Variants in SERBP1 observed in about 807,000 individuals in gnomAD.
SERBP1 encodes the protein SERPINE1 mRNA-binding protein 1.
Under a neutral mutation model 50.2 loss-of-function variants are expected in SERBP1, and 6 were observed. The observed-to-expected ratio is 0.12, with a 90% CI of 0.07 to 0.24. The LOEUF is 0.24. Ranked by LOEUF, SERBP1 falls within the 10% of genes least tolerant of loss-of-function variation. The pLI is 1.00. For missense variants in SERBP1, 346 were observed against 524.9 expected, an observed-to-expected ratio of 0.66 and a Z score of 3.33; for synonymous variants, 168 against 182.8, an observed-to-expected ratio of 0.92 and a Z score of 0.65.
rs200035787 is a variant in SERBP1, at chr1:67,409,420, C to CA, written c.*3786_*3787insT. 0.23 allele frequency: 24,227 copies of CA among 103,912 alleles called. 2,620 individuals are homozygous for CA. The highest frequency in any genetic ancestry group is 0.27 in the African/African-American group (5,771 of 21,038). 6.4% of individuals were successfully genotyped at this position (103,912 alleles called of 1,614,324 possible). On this transcript the variant is annotated 3_prime_UTR_variant, in exon 8 of 8. Transcript: ENST00000361219. ...ACACACACACACACACACACACACA[C>CA]CCCCACACACACCAGGTCACAGGCT...
chr1:67,414,420 T>C (rs1268077483), intron 7 of SERBP1, among the ~76,000 whole-genome samples: 1 of 152,088 alleles, frequency 6.6e-6, no homozygotes, highest in African/African-American at 2.4e-5. Context: ...ACACTGGCAA[T>C]GGTAAGTTAC....
intron 1 of SERBP1, chr1:67,429,505 G>C (rs1412293718): frequency 1.3e-5 from 2 of 153,298 alleles, no homozygotes; most frequent in African/African-American, 4.8e-5. Context: ...ACTCCGCGCC[G>C]TCGTGGGACA....
At chr1:67,422,371 C>A (rs1314104185) in intron 5 of SERBP1, among the ~76,000 whole-genome samples, 1 of 151,854 alleles carries the variant, frequency 6.6e-6, no homozygotes, top group South Asian at 2.1e-4. Flanking sequence ...ATTAGCCGGG[C>A]GTGGTGGCAC....
In SERBP1 at chr1:67,410,367, G is replaced by A. The variant is rs1666786850; in HGVS notation, c.*2840C>T. 6.6e-6 allele frequency: 1 copy of A among 152,058 alleles called. No homozygotes were observed. Among genetic ancestry groups the A allele is most frequent in the African/African-American group, 2.4e-5 (1 of 41,398 alleles). The allele number at this position is 152,058 out of a possible 1,614,324, so 9.4% of individuals were successfully genotyped here. A position where few individuals can be genotyped will look rare whatever the true frequency, so the allele number is the denominator to read the frequency against. ...ACTAGAAAAATAACAAAATTAGAAT[G>A]AATACTTAATATCCTCCTTTTAAAT... On this transcript the variant is annotated 3_prime_UTR_variant, in exon 8 of 8. Transcript: ENST00000361219.
intron 5 of SERBP1, among the ~76,000 whole-genome samples, chr1:67,421,260 T>C (rs1667188379): frequency 6.6e-6 from 1 of 152,200 alleles, no homozygotes; most frequent in Non-Finnish European, 1.5e-5. Flanking sequence ...AAGTCCTGCT[T>C]ACCCATATGT....
rs755894421 is a variant in SERBP1, at chr1:67,426,121, A to T, written c.464+14T>A. On this transcript the variant is annotated intron_variant, in intron 2 of 7. Coordinates refer to ENST00000361219, the MANE Select transcript of SERBP1 (RefSeq NM_001018069.2). ...TAGACCAAGACCCTGGCTCAAAAAC[A>T]AGAAACAACTTACCTATCAACTGAA... The T allele has an allele frequency of 3.6e-5, 58 of 1,598,684 alleles. No individual in the cohort carries two copies. In the South Asian group the frequency reaches 6.2e-4, roughly 17 times the overall value.
chr1:67,428,753 C>T (rs895007248), intron 1 of SERBP1, among the ~76,000 whole-genome samples: 7 of 136,454 alleles, frequency 5.1e-5, no homozygotes, highest in African/African-American at 1.9e-4. Flanking sequence ...AAAAAAAAAA[C>T]CCTCCTAAAA....
chr1:67,427,600 A>T (rs192202641), intron 1 of SERBP1, among the ~76,000 whole-genome samples: 1 of 152,330 alleles, frequency 6.6e-6, no homozygotes, highest in African/African-American at 2.4e-5. Flanking sequence ...ATTAGACCTT[A>T]CACCAAGGTA....
intron 1 of SERBP1, among the ~76,000 whole-genome samples, chr1:67,427,246 C>T (rs1667418850): frequency 6.6e-6 from 1 of 152,158 alleles, no homozygotes; most frequent in Non-Finnish European, 1.5e-5. Context: ...TTACTAATTT[C>T]CCCCTTTACT....
intron 7 of SERBP1, among the ~76,000 whole-genome samples, chr1:67,414,096 T>G (rs1666928777): frequency 6.6e-6 from 1 of 151,794 alleles, no homozygotes; most frequent in Non-Finnish European, 1.5e-5. Context: ...AGCCCAGTTG[T>G]TTTACTTTTT....
At chr1:67,423,193 A>C (rs11209067) in intron 5 of SERBP1, among the ~76,000 whole-genome samples, 7 of 150,804 alleles carry the variant, frequency 4.6e-5, no homozygotes, top group African/African-American at 1.7e-4. Context: ...CAGCTACTCC[A>C]GAGGCTGAGG....
In SERBP1 at chr1:67,426,203, T is replaced by C. The variant is rs1362587178; in HGVS notation, c.396A>G (p.Pro132=). The change falls in exon 2 of 8, where the codon CCA becomes CCG. Residue 132 remains proline, a synonymous_variant. Transcript: ENST00000361219. The part of the protein sequence containing the change: ...KIIDRRPERR[P]PRERRFEKPL... ...GCTTTTCGAATCTTCGTTCACGAGGTGGTCGCCTTTCTGGTCTTCTATCAA... is the reference window on the plus strand; with the variant it reads ...GCTTTTCGAATCTTCGTTCACGAGGCGGTCGCCTTTCTGGTCTTCTATCAA... 3 of 1,610,976 alleles carry C rather than the reference T, an allele frequency of 1.9e-6. No individual in the cohort carries two copies. Among genetic ancestry groups the C allele is most frequent in the Non-Finnish European group, 2.5e-6 (3 of 1,178,966 alleles).
In SERBP1 at chr1:67,430,007, G is replaced by C; in HGVS notation, c.294C>G (p.Pro98=). The part of the protein sequence containing the change: ...VVDKKEETQP[P]VALKKEGIRR... ...CTTTACCTTCTTTCTTAAGCGCCACGGGCGGCTGCGTCTCCTCTTTCTTGT... is the reference window on the plus strand; with the variant it reads ...CTTTACCTTCTTTCTTAAGCGCCACCGGCGGCTGCGTCTCCTCTTTCTTGT... The change falls in exon 1 of 8, where the codon CCC becomes CCG. Residue 98 remains proline, a synonymous_variant. Coordinates refer to ENST00000361219, the MANE Select transcript of SERBP1 (RefSeq NM_001018069.2). 6.2e-7 allele frequency: 1 copy of C among 1,610,360 alleles called. No homozygotes were observed. The highest frequency in any genetic ancestry group is 8.5e-7 in the Non-Finnish European group (1 of 1,178,312).
chr1:67,415,917 A>G (rs180977358), intron 6 of SERBP1, among the ~76,000 whole-genome samples: 69 of 152,350 alleles, frequency 4.5e-4, no homozygotes, highest in African/African-American at 1.6e-3. Flanking sequence ...GGAGAGCTAC[A>G]AATTCAAGTG....
Position 67,408,904 on chromosome 1 carries a change from C to A in SERBP1, c.*4303G>T, listed in dbSNP as rs1024380786. Reference sequence around the variant, plus strand: ...AGGTGTAAAGTATGCTTTAAAATTACTTCTAATTTCACAGCTTCCTGTTGG... The same window carrying A: ...AGGTGTAAAGTATGCTTTAAAATTAATTCTAATTTCACAGCTTCCTGTTGG... On this transcript the variant is annotated 3_prime_UTR_variant, in exon 8 of 8. Coordinates refer to ENST00000361219, the MANE Select transcript of SERBP1 (RefSeq NM_001018069.2). The A allele has an allele frequency of 6.6e-6, 1 of 152,126 alleles. No individual in the cohort carries two copies. Among genetic ancestry groups the A allele is most frequent in the Non-Finnish European group, 1.5e-5 (1 of 68,020 alleles). The allele number at this position is 152,126 out of a possible 1,614,324, so 9.4% of individuals were successfully genotyped here.
At chr1:67,418,808 C>A (rs922156741) in intron 6 of SERBP1, among the ~76,000 whole-genome samples, 1 of 152,036 alleles carries the variant, frequency 6.6e-6, no homozygotes, top group Non-Finnish European at 1.5e-5. Context: ...GGTTTGCCCT[C>A]ACAATATTTT....
At chr1:67,427,103 T>TA (rs975264034) in intron 1 of SERBP1, among the ~76,000 whole-genome samples, 29 of 151,868 alleles carry the variant, frequency 1.9e-4, no homozygotes, top group Non-Finnish European at 3.2e-4. Flanking sequence ...GAGAGTCCTC[T>TA]AAAAAATTTG....
In SERBP1 at chr1:67,415,487, C is replaced by T. The variant is rs552377386; in HGVS notation, c.952-148G>A. On this transcript the variant is annotated intron_variant, in intron 6 of 7. Coordinates refer to ENST00000361219, the MANE Select transcript of SERBP1 (RefSeq NM_001018069.2). ...TCTCAATGCCTCCACAGGTAACAAG[C>T]TAGGGCTCAGCTTTAGTGATCCTGG... The T allele has an allele frequency of 9.2e-5, 66 of 716,860 alleles. No homozygotes were observed. The African/African-American group carries it at 1.0e-3, about 11-fold the overall frequency. The allele number at this position is 716,860 out of a possible 1,614,324, so 44.4% of individuals were successfully genotyped here.
intron 1 of SERBP1, 107 bp from the exon 2 acceptor site, chr1:67,426,392 T>C (rs1030881969): frequency 8.3e-6 from 10 of 1,204,870 alleles, no homozygotes; most frequent in East Asian, 2.7e-5. Context: ...CCATTTCCTG[T>C]TGGAAAAAAG....
Sources: allele counts gnomAD v4.1 joint callset (sites outside exome capture counted in the v4.1 genomes callset), GRCh38; gene constraint gnomAD v4.1.1; transcripts MANE v1.5; gene names NCBI Gene and HGNC (gene_info 2026-07-23, HGNC 2026-07-21).